Variants in CNTN3 observed in about 807,000 individuals in gnomAD.
CNTN3 encodes contactin 3.
A neutral mutation model predicts 119.1 loss-of-function variants in CNTN3; 60 were observed. The observed-to-expected ratio is 0.50, with a 90% CI of 0.41 to 0.62. The LOEUF (loss-of-function observed/expected upper bound fraction) is 0.62. Among genes scored for constraint, CNTN3 ranks in the 20% least tolerant of loss-of-function variants. CNTN3 has a pLI of 0.00. For missense variants in CNTN3, 1,101 were observed against 1,242.4 expected (o/e 0.89, Z 1.71); for synonymous variants, 450 against 438.7 (o/e 1.03, Z -0.32).
chr3:74,348,480 C>T (rs1184521347), intron 11 of CNTN3, among the ~76,000 whole-genome samples: 1 of 152,122 alleles, frequency 6.6e-6, no homozygotes, highest in African/African-American at 2.4e-5. Context: ...TTCCACCTTG[C>T]TAGCTTGAAC....
intron 20 of CNTN3, among the ~76,000 whole-genome samples, chr3:74,272,957 A>T (rs961728218): frequency 2.0e-5 from 3 of 152,148 alleles, no homozygotes; most frequent in Admixed American, 6.5e-5. Flanking sequence ...CCATTTTTTT[A>T]AATTTATCTA....
intron 5 of CNTN3, 82 bp downstream of exon 5, chr3:74,424,763 C>T (rs1446744683): frequency 6.3e-6 from 7 of 1,114,136 alleles, no homozygotes; most frequent in Non-Finnish European, 9.4e-6. Context: ...GAGTAATTTA[C>T]AGATGCAATA....
At chr3:74,585,128 C>A (rs954696614) in intron 1 of CNTN3, among the ~76,000 whole-genome samples, 1 of 152,064 alleles carries the variant, frequency 6.6e-6, no homozygotes, top group Non-Finnish European at 1.5e-5. Flanking sequence ...GGCATATCTA[C>A]GTTTAATAAA....
chr3:74,358,596 GATTTATTT>G (rs71625970), intron 11 of CNTN3, among the ~76,000 whole-genome samples: 1 of 137,568 alleles, frequency 7.3e-6, no homozygotes, highest in African/African-American at 2.8e-5. Flanking sequence ...TTTTTTTTTT[GATTTATTT>G]ATTTATTTAT....
intron 1 of CNTN3, among the ~76,000 whole-genome samples, chr3:74,576,303 G>A (rs893809815): frequency 2.6e-5 from 4 of 152,106 alleles, no homozygotes; most frequent in Admixed American, 2.6e-4. Context: ...CCCTGAACTT[G>A]AGCGTATCAA....
At chr3:74,365,058 A>G in intron 9 of CNTN3, among the ~76,000 whole-genome samples, 1 of 152,172 alleles carries the variant, frequency 6.6e-6, no homozygotes, top group East Asian at 1.9e-4. Flanking sequence ...CAGAGTTTCT[A>G]GGTAGTATGA....
At chr3:74,612,841 C>T (rs1042646635) in intron 1 of CNTN3, among the ~76,000 whole-genome samples, 1 of 152,114 alleles carries the variant, frequency 6.6e-6, no homozygotes, top group African/African-American at 2.4e-5. Flanking sequence ...AGGCTGAACC[C>T]GATCAGATTT....
intron 4 of CNTN3, among the ~76,000 whole-genome samples, chr3:74,446,988 G>A (rs1335607847): frequency 1.3e-5 from 2 of 152,174 alleles, no homozygotes; most frequent in East Asian, 1.9e-4. Context: ...TTTCAAAGAC[G>A]TTTTTCTTTG....
intron 1 of CNTN3, among the ~76,000 whole-genome samples, chr3:74,599,526 T>C (rs1406921727): frequency 6.6e-6 from 1 of 152,070 alleles, no homozygotes. Flanking sequence ...AGGCATTAGA[T>C]TCTCATAAGG....
intron 13 of CNTN3, among the ~76,000 whole-genome samples, chr3:74,317,514 C>G (rs1250598725): frequency 6.6e-6 from 1 of 152,070 alleles, no homozygotes; most frequent in Non-Finnish European, 1.5e-5. Context: ...CCTTCAGGAG[C>G]TCTTTTAGGG....
At chr3:74,439,653 C>T (rs571596138) in intron 4 of CNTN3, among the ~76,000 whole-genome samples, 1 of 152,220 alleles carries the variant, frequency 6.6e-6, no homozygotes, top group East Asian at 1.9e-4. Flanking sequence ...GTGTCAGAGG[C>T]AGGCTGATGG....
chr3:74,298,830 G>C (rs1204589132), intron 17 of CNTN3, among the ~76,000 whole-genome samples: 2 of 150,198 alleles, frequency 1.3e-5, no homozygotes, highest in Non-Finnish European at 2.9e-5. Context: ...CTGTGAGGTG[G>C]AGATTGCAAT....
chr3:74,373,781 C>T (rs1325254809), intron 5 of CNTN3, among the ~76,000 whole-genome samples: 5 of 152,116 alleles, frequency 3.3e-5, no homozygotes, highest in African/African-American at 1.2e-4. Context: ...TATAGAGATA[C>T]TGTGGTGGCT....
rs187116486 is a variant in CNTN3, at chr3:74,298,484, A to G, written c.2167-293T>C. Among the ~76,000 whole-genome samples, 7 of 152,270 alleles carry G rather than the reference A, an allele frequency of 4.6e-5. No individual in the cohort carries two copies. The Middle Eastern group carries it at 0.01, about 222-fold the overall frequency. On this transcript the variant is annotated intron_variant, in intron 17 of 22. Transcript: ENST00000263665. Reference sequence around the variant, plus strand: ...AAGTCTGAGTTTCTAATAGGAAGATATACTTTCAGTTGAAAATATCTGATC... The same window carrying G: ...AAGTCTGAGTTTCTAATAGGAAGATGTACTTTCAGTTGAAAATATCTGATC...
intron 13 of CNTN3, among the ~76,000 whole-genome samples, chr3:74,319,819 A>C (rs568725509): frequency 1.3e-5 from 2 of 150,272 alleles, no homozygotes; most frequent in African/African-American, 4.9e-5. Context: ...CAAATTTACA[A>C]AAAAAAAAAC....
At chr3:74,565,076 G>T (rs2106639766) in intron 1 of CNTN3, among the ~76,000 whole-genome samples, 1 of 152,236 alleles carries the variant, frequency 6.6e-6, no homozygotes, top group East Asian at 1.9e-4. Flanking sequence ...AAAAGAAAAA[G>T]ACATGGGTGG....
chr3:74,382,561 C>T (rs1390357142), intron 5 of CNTN3, among the ~76,000 whole-genome samples: 3 of 152,108 alleles, frequency 2.0e-5, no homozygotes, highest in African/African-American at 4.8e-5. Context: ...CCATTCTACT[C>T]TCTGTTTCTA....
intron 2 of CNTN3, among the ~76,000 whole-genome samples, chr3:74,518,588 C>G (rs1703490845): frequency 6.6e-6 from 1 of 151,878 alleles, no homozygotes; most frequent in African/African-American, 2.4e-5. Flanking sequence ...TAACTGCAGT[C>G]CAGAGGCATT....
intron 13 of CNTN3, 142 bp downstream of exon 13, chr3:74,334,593 A>C (rs1703343272): frequency 1.5e-6 from 1 of 650,764 alleles, no homozygotes. Context: ...ATTAGATCAA[A>C]ACAGAACTGA....
Sources: gnomAD v4.1 joint callset for allele counts (sites outside exome capture counted in the v4.1 genomes callset) on GRCh38, gnomAD v4.1.1 for gene constraint, MANE v1.5 for transcripts, NCBI Gene and HGNC (gene_info 2026-07-23, HGNC 2026-07-21) for gene names.